Variants in ERC1 observed in about 807,000 individuals in gnomAD.
ERC1 encodes RAB6 interacting protein 2.
In ERC1, 56 loss-of-function variants were observed where a neutral mutation model predicts 132.0. That is an observed-to-expected ratio of 0.42 (90% CI 0.34 to 0.53). The LOEUF (loss-of-function observed/expected upper bound fraction) is 0.53. Ranked by LOEUF, ERC1 falls within the 20% of genes least tolerant of loss-of-function variation. ERC1 has a pLI of 0.03. For synonymous variants in ERC1, 478 were observed against 476.1 expected (o/e 1.00, Z -0.05); for missense variants, 1,202 against 1,349.9 (o/e 0.89, Z 1.72).
intron 15 of ERC1, among the ~76,000 whole-genome samples, chr12:1,292,044 G>A (rs2079489007): frequency 6.6e-6 from 1 of 152,134 alleles, no homozygotes; most frequent in East Asian, 1.9e-4. Flanking sequence ...TGTAATAACT[G>A]TAATAAATTT....
chr12:1,264,768 G>A (rs143269861), intron 14 of ERC1, among the ~76,000 whole-genome samples: 215 of 152,186 alleles, frequency 1.4e-3, no homozygotes, highest in Non-Finnish European at 2.5e-3. Flanking sequence ...AAATATAAAT[G>A]TTAAACAGGA....
intron 2 of ERC1, among the ~76,000 whole-genome samples, chr12:1,035,805 C>T (rs1247220291): frequency 6.6e-6 from 1 of 151,904 alleles, no homozygotes; most frequent in East Asian, 1.9e-4. Context: ...ACCTGTAGTC[C>T]CAGCTACTCG....
At chr12:1,294,997 A>T (rs746758209) in intron 15 of ERC1, among the ~76,000 whole-genome samples, 1 of 152,132 alleles carries the variant, frequency 6.6e-6, no homozygotes, top group African/African-American at 2.4e-5. Flanking sequence ...GGATTAGAAG[A>T]TGGTCTGTGT....
chr12:1,394,025 AAAAAAAAACAAAAAAAAAACCAC>A (rs2090241716), intron 16 of ERC1, among the ~76,000 whole-genome samples: 1 of 115,928 alleles, frequency 8.6e-6, no homozygotes, highest in East Asian at 2.1e-4. Flanking sequence ...CAAAAAAAAA[AAAAAAAAACAAAAAAAAAACCAC>A]AAAGCATTAA....
chr12:1,083,295 T>G lies in ERC1; in HGVS notation c.801T>G (p.Phe267Leu). 1 of 1,614,188 alleles carries G rather than the reference T, an allele frequency of 6.2e-7. No homozygotes were observed. Among genetic ancestry groups the G allele is most frequent in the Non-Finnish European group, 8.5e-7 (1 of 1,180,036 alleles). ...PCVAELTEENFQRLHAEHERQ... is the reference protein window; with the variant it reads ...PCVAELTEENLQRLHAEHERQ... ...TAGCAGAGCTGACAGAGGAGAACTTTCAGAGGCTTCATGCTGAGCATGAGC... is the reference window on the plus strand; with the variant it reads ...TAGCAGAGCTGACAGAGGAGAACTTGCAGAGGCTTCATGCTGAGCATGAGC... Residue 267 changes from phenylalanine to leucine, a missense_variant, in exon 3 of 19, where the codon TTT becomes TTG. Transcript: ENST00000360905.
chr12:1,117,933 A>T (rs1284001663), intron 7 of ERC1, among the ~76,000 whole-genome samples: 3 of 152,118 alleles, frequency 2.0e-5, no homozygotes, highest in South Asian at 2.1e-4. Flanking sequence ...TATTTTAAAA[A>T]TTTTTTGTGG....
intron 16 of ERC1, among the ~76,000 whole-genome samples, chr12:1,392,255 A>G (rs1452439773): frequency 6.6e-6 from 1 of 152,246 alleles, no homozygotes; most frequent in Non-Finnish European, 1.5e-5. Context: ...AAGACAAGCC[A>G]GAGAGATGAC....
At chr12:1,031,841 A>G (rs1250374515) in intron 2 of ERC1, among the ~76,000 whole-genome samples, 2 of 152,138 alleles carry the variant, frequency 1.3e-5, no homozygotes, top group African/African-American at 4.8e-5. Context: ...AAAATTAAGG[A>G]CAGGGTTCTT....
chr12:1,278,663 C>T (rs1057146173), intron 14 of ERC1, among the ~76,000 whole-genome samples: 5 of 152,154 alleles, frequency 3.3e-5, no homozygotes, highest in Non-Finnish European at 7.3e-5. Context: ...GACATTTCTC[C>T]ACTTTTAGTA....
intron 7 of ERC1, among the ~76,000 whole-genome samples, chr12:1,117,522 A>G (rs544157499): frequency 2.6e-5 from 4 of 152,342 alleles, no homozygotes; most frequent in South Asian, 2.1e-4. Flanking sequence ...CTTTGGCTCT[A>G]GAGTCATGTT....
At chr12:1,052,540 G>A (rs750727608) in intron 2 of ERC1, among the ~76,000 whole-genome samples, 42 of 152,194 alleles carry the variant, frequency 2.8e-4, no homozygotes, top group Non-Finnish European at 4.3e-4. Context: ...CTATAACACC[G>A]AAGAGAAAAT....
At chr12:1,262,948 A>G (rs2286031) in intron 13 of ERC1, 86 bp from the exon 14 acceptor site, 533,472 of 1,360,570 alleles carry the variant, frequency 0.39, 110,458 homozygotes, top group African/African-American at 0.68. Flanking sequence ...AGAACATTTA[A>G]TAAGCAAACA....
rs899047610 is a variant in ERC1 at position 1,115,793 on chromosome 12, A to T, written c.1402-73A>T. 1.3e-5 allele frequency: 17 copies of T among 1,287,694 alleles called. No homozygotes were observed. The African/African-American group carries it at 2.2e-4, about 17-fold the overall frequency. The allele number at this position is 1,287,694 out of a possible 1,614,324, so 79.8% of individuals were successfully genotyped here. ...TTTAGTTTCATATTTTGTGACTCAG[A>T]TCTGTGAAAGATACAGATAAGAGGT... On this transcript the variant is annotated intron_variant, in intron 6 of 18. Coordinates refer to ENST00000360905, the MANE Select transcript of ERC1 (RefSeq NM_178040.4).
At chr12:1,342,481 A>C (rs1315002689) in intron 15 of ERC1, among the ~76,000 whole-genome samples, 4 of 151,538 alleles carry the variant, frequency 2.6e-5, no homozygotes, top group African/African-American at 9.7e-5. Context: ...AAAAAAAAAA[A>C]ACAAAAAAAA....
intron 1 of ERC1, among the ~76,000 whole-genome samples, chr12:997,306 C>T (rs528797458): frequency 2.0e-5 from 3 of 152,300 alleles, no homozygotes; most frequent in Admixed American, 6.5e-5. Context: ...TTTATGTATA[C>T]GTCAGCTAGG....
At chr12:1,009,465 C>T (rs1048493240) in intron 1 of ERC1, among the ~76,000 whole-genome samples, 5 of 152,164 alleles carry the variant, frequency 3.3e-5, no homozygotes, top group African/African-American at 7.2e-5. Flanking sequence ...TGAGCCACCG[C>T]GCCCAGCCAA....
At chr12:1,140,297 A>G (rs1052274843) in intron 7 of ERC1, among the ~76,000 whole-genome samples, 1 of 152,174 alleles carries the variant, frequency 6.6e-6, no homozygotes, top group African/African-American at 2.4e-5. Context: ...CCGCACACAC[A>G]GTATTGCTTC....
chr12:1,314,098 C>G (rs887026856), intron 15 of ERC1, among the ~76,000 whole-genome samples: 1 of 152,134 alleles, frequency 6.6e-6, no homozygotes, highest in African/African-American at 2.4e-5. Flanking sequence ...TCTACTTCAT[C>G]AGTATTTCCT....
intron 8 of ERC1, among the ~76,000 whole-genome samples, chr12:1,150,698 C>G (rs1237572985): frequency 6.6e-6 from 1 of 152,142 alleles, no homozygotes; most frequent in Non-Finnish European, 1.5e-5. Context: ...ATGCACAACC[C>G]CAGTCCAATT....
Sources: gnomAD v4.1 joint callset for allele counts (sites outside exome capture counted in the v4.1 genomes callset) on GRCh38, gnomAD v4.1.1 for gene constraint, MANE v1.5 for transcripts, NCBI Gene and HGNC (gene_info 2026-07-23, HGNC 2026-07-21) for gene names.